The following ZFP62 variants were observed in gnomAD, a reference collection of about 807,000 sequenced individuals.
ZFP62 encodes the protein zinc finger protein 62 homolog.
A neutral mutation model predicts 56.4 loss-of-function variants in ZFP62; 44 were observed. The ratio of observed to expected loss-of-function variants is 0.78; its 90% CI spans 0.61 to 1.00. The LOEUF (loss-of-function observed/expected upper bound fraction) is 1.00. ZFP62 is among the 50% of genes least tolerant of loss of function. ZFP62 has a pLI of 0.00. For synonymous variants in ZFP62, 421 were observed against 388.9 expected, an observed-to-expected ratio of 1.08 and a Z score of -0.97; for missense variants, 1,030 against 1,085.7, an observed-to-expected ratio of 0.95 and a Z score of 0.72.
chr5:180,856,630 G>C (rs1010560595), intron 1 of ZFP62, among the ~76,000 whole-genome samples: 3 of 152,160 alleles, frequency 2.0e-5, no homozygotes, highest in African/African-American at 7.2e-5. Flanking sequence ...ACTAGTAGGA[G>C]AGTCTGGTAG....
At chr5:180,843,598 T>A (rs1389690074), downstream of ZFP62, among the ~76,000 whole-genome samples, 5 of 152,338 alleles carry the variant, frequency 3.3e-5, no homozygotes, top group East Asian at 9.6e-4. Flanking sequence ...AAAGGTTTAC[T>A]TCATAAAATT....
rs1183081321 is a variant in ZFP62 at position 180,851,158 on chromosome 5, T to C, written c.337A>G (p.Ser113Gly). The change falls in exon 2 of 2, where the codon AGT becomes GGT. Residue 113 changes from serine (S) to glycine (G), a missense_variant. Coordinates refer to ENST00000502412, the MANE Select transcript of ZFP62 (RefSeq NM_001172638.2). ...TTCTCCACACGTTTGCCTTGCTCAC[T>C]GCCTCTCTGTCCTATAGGCATAGTC... ...HQTMPIGQRG[S>G]EQGKRVENIN... 1.9e-6 allele frequency: 3 copies of C among 1,551,648 alleles called. No homozygotes were observed. Among genetic ancestry groups the C allele is most frequent in the East Asian group, 2.4e-5 (1 of 40,940 alleles).
At chr5:180,839,415 T>C in the ZFP62 span, among the ~76,000 whole-genome samples, 6 of 152,336 alleles carry the variant, frequency 3.9e-5, no homozygotes, top group Non-Finnish European at 8.8e-5. Context: ...GTTGTGTTCA[T>C]GGAATACTAT....
At chr5:180,835,997 T>C in the ZFP62 span, among the ~76,000 whole-genome samples, 2 of 152,208 alleles carry the variant, frequency 1.3e-5, no homozygotes, top group East Asian at 3.9e-4. Context: ...CGGTACCTTT[T>C]CTATGGTTAG....
downstream of ZFP62, among the ~76,000 whole-genome samples, chr5:180,847,211 TCA>T (rs1485904750): frequency 6.6e-6 from 1 of 152,254 alleles, no homozygotes; most frequent in East Asian, 1.9e-4. Context: ...ATTGGCCCAC[TCA>T]CAGTATTCTC....
the ZFP62 span, among the ~76,000 whole-genome samples, chr5:180,838,345 G>T: frequency 1.3e-5 from 2 of 152,132 alleles, no homozygotes; most frequent in South Asian, 4.1e-4. Context: ...AGTGAGGTGA[G>T]TAGGGCAATT....
the ZFP62 span, among the ~76,000 whole-genome samples, chr5:180,837,814 T>C: frequency 6.6e-6 from 1 of 152,174 alleles, no homozygotes; most frequent in Non-Finnish European, 1.5e-5. Flanking sequence ...CAGTCTCCTT[T>C]TCAATTTCTG....
At chr5:180,829,111 C>A in the ZFP62 span, among the ~76,000 whole-genome samples, 3 of 152,220 alleles carry the variant, frequency 2.0e-5, no homozygotes, top group African/African-American at 7.2e-5. Flanking sequence ...ACTACGTGCA[C>A]CACTGAACAT....
In ZFP62 at chr5:180,849,553, C is replaced by T; in HGVS notation, c.1942G>A (p.Asp648Asn). ...VHTREKPYEC[D>N]RCEKVFRNNS... is the part of the protein sequence containing the mutation. ...TTTCTGAAGACCTTCTCACACCTGT[C>T]ACATTCATAGGGTTTCTCTCTAGTG... The change falls in exon 2 of 2, where the codon GAC (aspartate) becomes AAC (asparagine). Residue 648 changes from aspartate to asparagine, a missense_variant. Transcript: ENST00000502412. The T allele has an allele frequency of 6.4e-7, 1 of 1,552,218 alleles. No individual in the cohort carries two copies. The highest frequency in any genetic ancestry group is 1.2e-5 in the South Asian group (1 of 84,060).
the ZFP62 span, chr5:180,831,181 A>C: frequency 1.3e-5 from 2 of 154,704 alleles, no homozygotes; most frequent in Admixed American, 6.5e-5. Flanking sequence ...TGCGGTTCTC[A>C]CAGCCCGCCG....
chr5:180,841,113 C>T, the ZFP62 span, among the ~76,000 whole-genome samples: 1 of 151,914 alleles, frequency 6.6e-6, no homozygotes, highest in African/African-American at 2.4e-5. Context: ...GAAATGACCC[C>T]AAAACGTCTT....
At chr5:180,836,695 T>A in the ZFP62 span, among the ~76,000 whole-genome samples, 5 of 152,274 alleles carry the variant, frequency 3.3e-5, no homozygotes, top group African/African-American at 1.2e-4. Flanking sequence ...AGTCTTGTCG[T>A]GAAAATGTAA....
the ZFP62 span, among the ~76,000 whole-genome samples, chr5:180,836,978 A>G: frequency 3.1e-4 from 47 of 152,314 alleles, no homozygotes; most frequent in African/African-American, 1.1e-3. Context: ...TATAAAACCC[A>G]CATTTTTCTG....
chr5:180,851,647 T>C (rs959415919), intron 1 of ZFP62, among the ~76,000 whole-genome samples, 154 bp from the exon 2 acceptor site: 5 of 152,232 alleles, frequency 3.3e-5, no homozygotes, highest in African/African-American at 7.2e-5. Flanking sequence ...TTTTAAGTAC[T>C]AGGGATACAA....
rs1336094737 is a variant in ZFP62, at chr5:180,847,754, T to A, written c.*1038A>T. ...CAACATATACATGTCCTGCATGACA[T>A]CTTTACAATAACACATTCCAAAAAC... On this transcript the variant is annotated 3_prime_UTR_variant, in exon 2 of 2. Transcript: ENST00000502412. 1 of 985,358 alleles carries A rather than the reference T, an allele frequency of 1.0e-6. No homozygotes were observed. Among genetic ancestry groups the A allele is most frequent in the East Asian group, 1.1e-4 (1 of 8,832 alleles). 61.0% of individuals were successfully genotyped at this position (985,358 alleles called of 1,614,324 possible).
chr5:180,850,550 C>T lies in ZFP62; in HGVS notation c.945G>A (p.Gly315=). ...GTGTTCTACAAGTAATGAAGGCCTTCCCACACTCATCACATTCGTAAGGTT... is the reference window on the plus strand; with the variant it reads ...GTGTTCTACAAGTAATGAAGGCCTTTCCACACTCATCACATTCGTAAGGTT... The part of the protein sequence containing the change: ...GEKPYECDEC[G]KAFITCRTLL... Residue 315 remains glycine (G), a synonymous_variant, in exon 2 of 2, where the codon GGG becomes GGA. Transcript: ENST00000502412. 2 of 1,556,292 alleles carry T rather than the reference C, an allele frequency of 1.3e-6. No individual in the cohort carries two copies. The highest frequency in any genetic ancestry group is 1.7e-6 in the Non-Finnish European group (2 of 1,149,838).
intron 1 of ZFP62, among the ~76,000 whole-genome samples, chr5:180,857,388 A>T (rs1385653104): frequency 6.6e-6 from 1 of 152,258 alleles, no homozygotes; most frequent in Non-Finnish European, 1.5e-5. Flanking sequence ...CCATACAAAA[A>T]CAGTCCACAA....
In ZFP62 at chr5:180,849,337, T is replaced by C. The variant is rs1443561351; in HGVS notation, c.2158A>G (p.Lys720Glu). Residue 720 changes from lysine (K) to glutamate (E), a missense_variant, in exon 2 of 2, where the codon AAA becomes GAA. Lys to Glu is a moderately conservative substitution (Grantham distance 56). Transcript: ENST00000502412. ...GGTTTCTCCCCAAGATGGACTCTTT[T>C]ATGGCTTATAAGAGTTCTGCTTGAG... ...FFSSRTLISHKRVHLGEKPFK... is the reference protein window; with the variant it reads ...FFSSRTLISHERVHLGEKPFK... 6.1e-5 allele frequency: 94 copies of C among 1,551,920 alleles called. No homozygotes were observed. The highest frequency in any genetic ancestry group is 7.8e-5 in the Non-Finnish European group (89 of 1,147,086).
the ZFP62 span, chr5:180,835,462 A>C: frequency 6.6e-6 from 1 of 152,170 alleles, no homozygotes; most frequent in Non-Finnish European, 1.5e-5. Flanking sequence ...GGCTTCTCTG[A>C]TTCTCCAGCT....
Sources: gnomAD v4.1 joint callset for allele counts (sites outside exome capture counted in the v4.1 genomes callset) on GRCh38, gnomAD v4.1.1 for gene constraint, MANE v1.5 for transcripts, NCBI Gene and HGNC (gene_info 2026-07-23, HGNC 2026-07-21) for gene names.